ACTR10: variants seen among roughly 807,000 people sequenced by gnomAD.
ACTR10 encodes the protein actin related protein 10, also known as actin-related protein 10.
ACTR10 carries 43 observed loss-of-function variants against 56.2 expected under a neutral mutation model. The observed-to-expected ratio is 0.77, with a 90% CI of 0.60 to 0.99. The LOEUF is 0.99. Ranked by LOEUF, ACTR10 falls within the 50% of genes least tolerant of loss-of-function variation. The pLI, the probability that ACTR10 is intolerant of heterozygous loss-of-function variation, is 0.00. For synonymous variants in ACTR10, 170 were observed against 176.3 expected (o/e 0.96, Z 0.28); for missense variants, 466 against 507.8 (o/e 0.92, Z 0.79).
At chr14:58,214,514 G>A (rs1198911640) in intron 6 of ACTR10, among the ~76,000 whole-genome samples, 1 of 151,152 alleles carries the variant, frequency 6.6e-6, no homozygotes, top group Non-Finnish European at 1.5e-5. Flanking sequence ...TTATTGAAAT[G>A]GAGTCTCGCT....
intron 7 of ACTR10, 39 bp downstream of exon 7, chr14:58,215,323 C>A: frequency 7.6e-7 from 1 of 1,313,552 alleles, no homozygotes; most frequent in South Asian, 1.3e-5. Flanking sequence ...GGTTTACACT[C>A]TCTTTTTGTT....
chr14:58,201,241 G>T, intron 1 of ACTR10, among the ~76,000 whole-genome samples: 1 of 152,146 alleles, frequency 6.6e-6, no homozygotes, highest in Non-Finnish European at 1.5e-5. Context: ...CATAGTCCTT[G>T]GTTAATGACA....
chr14:58,208,888 G>A (rs1566623634), intron 3 of ACTR10, 111 bp from the exon 4 acceptor site: 2 of 660,152 alleles, frequency 3.0e-6, no homozygotes, highest in Non-Finnish European at 5.2e-6. Flanking sequence ...ATGTCTTTTT[G>A]TGATAAAATA....
rs567586172 is a variant in ACTR10 at position 58,213,904 on chromosome 14, G to A, written c.518+206G>A. ...TAATTTTTGGGGGTACATAGTAGGT[G>A]TATATATTTATGAGGTACCTGGGAT... On this transcript the variant is annotated intron_variant, in intron 6 of 12. Coordinates refer to ENST00000254286, the MANE Select transcript of ACTR10 (RefSeq NM_018477.3). 1.8e-3 allele frequency among the ~76,000 whole-genome samples: 275 copies of A among 152,260 alleles called. 2 individuals are homozygous for A. The highest frequency in any genetic ancestry group is 5.9e-3 in the African/African-American group (246 of 41,540).
At chr14:58,223,462 T>G (rs1299558831) in intron 8 of ACTR10, 160 bp from the exon 9 acceptor site, 2 of 681,072 alleles carry the variant, frequency 2.9e-6, no homozygotes, top group African/African-American at 1.8e-5. Context: ...AATGAACAAA[T>G]TATTGTTAGC....
intron 10 of ACTR10, among the ~76,000 whole-genome samples, chr14:58,227,153 T>G (rs2140061387): frequency 7.0e-6 from 1 of 143,450 alleles, no homozygotes; most frequent in African/African-American, 2.7e-5. Flanking sequence ...AATTCATAAT[T>G]TATGATTTCC....
intron 4 of ACTR10, among the ~76,000 whole-genome samples, chr14:58,209,580 G>A (rs1888947134): frequency 6.6e-6 from 1 of 152,048 alleles, no homozygotes; most frequent in Non-Finnish European, 1.5e-5. Context: ...CCTTTAAAAT[G>A]GAATATTCAG....
In ACTR10 at chr14:58,223,723, G is replaced by C. The variant is rs543481336; in HGVS notation, c.714+22G>C. Reference sequence around the variant, plus strand: ...TGAGGTAAGTTTAAAAAAAAAAAAGGCATCTTTTTGCAAAGGTTACAACAT... The same window carrying C: ...TGAGGTAAGTTTAAAAAAAAAAAAGCCATCTTTTTGCAAAGGTTACAACAT... On this transcript the variant is annotated intron_variant, in intron 9 of 12. Transcript: ENST00000254286. 5.1e-6 allele frequency: 8 copies of C among 1,580,292 alleles called. 1 individual carries two copies. In the Admixed American group the frequency reaches 1.2e-4, roughly 24 times the overall value.
chr14:58,211,435 TTACTC>T, intron 5 of ACTR10, 36 bp downstream of exon 5: 1 of 1,423,016 alleles, frequency 7.0e-7, no homozygotes, highest in Non-Finnish European at 9.9e-7. Context: ...TTTGCAGTTT[TTACTC>T]TACTTTAACT....
At chr14:58,222,021 C>T (rs1225756651) in intron 8 of ACTR10, among the ~76,000 whole-genome samples, 1 of 152,140 alleles carries the variant, frequency 6.6e-6, no homozygotes, top group Non-Finnish European at 1.5e-5. Context: ...GTGCCTAGCT[C>T]ACTGTCTAGC....
At chr14:58,227,395 T>C (rs956007675) in intron 10 of ACTR10, among the ~76,000 whole-genome samples, 5 of 152,228 alleles carry the variant, frequency 3.3e-5, no homozygotes, top group Non-Finnish European at 7.3e-5. Context: ...CATCTAGTTA[T>C]TTTCTTCTAG....
intron 10 of ACTR10, among the ~76,000 whole-genome samples, chr14:58,228,241 T>C (rs999963159): frequency 2.0e-5 from 3 of 152,210 alleles, no homozygotes; most frequent in African/African-American, 7.2e-5. Flanking sequence ...CCAGGATGGC[T>C]GTTGGAGTTG....
At position 58,233,171 on chromosome 14, in the gene ACTR10, C is replaced by G. The variant is rs1055849841; in HGVS notation, c.1072+904C>G. 3.3e-5 allele frequency among the ~76,000 whole-genome samples: 5 copies of G among 152,254 alleles called. No individual in the cohort carries two copies. The East Asian group carries it at 9.6e-4, about 29-fold the overall frequency. Reference sequence around the variant, plus strand: ...TACAGGTGTGAGCCACCGCCCCTGGCTTACCATTTCTTAAAATGTTCATTT... The same window carrying G: ...TACAGGTGTGAGCCACCGCCCCTGGGTTACCATTTCTTAAAATGTTCATTT... On this transcript the variant is annotated intron_variant, in intron 12 of 12. Transcript: ENST00000254286.
chr14:58,225,091 T>C (rs1482284501), intron 10 of ACTR10, among the ~76,000 whole-genome samples: 1 of 152,180 alleles, frequency 6.6e-6, no homozygotes, highest in Non-Finnish European at 1.5e-5. Flanking sequence ...AGATAATATT[T>C]AAATGAGTGA....
chr14:58,217,424 T>C (rs563097080), intron 7 of ACTR10, among the ~76,000 whole-genome samples: 1 of 152,076 alleles, frequency 6.6e-6, no homozygotes, highest in Admixed American at 6.5e-5. Context: ...TCCCAGCACT[T>C]TGGGACGCCA....
intron 4 of ACTR10, 33 bp from the exon 5 acceptor site, chr14:58,211,259 C>T (rs777526452): frequency 1.8e-5 from 27 of 1,477,864 alleles, no homozygotes; most frequent in African/African-American, 1.7e-4. Flanking sequence ...ACACTCATTC[C>T]GGTTTTGTTG....
chr14:58,218,472 C>T (rs1369219461), intron 7 of ACTR10, among the ~76,000 whole-genome samples: 1 of 151,686 alleles, frequency 6.6e-6, no homozygotes, highest in Non-Finnish European at 1.5e-5. Context: ...CAAAAGTAAG[C>T]CTTTGGAAAG....
intron 4 of ACTR10, among the ~76,000 whole-genome samples, chr14:58,209,662 G>C (rs1888948972): frequency 6.6e-6 from 1 of 151,966 alleles, no homozygotes; most frequent in South Asian, 2.1e-4. Context: ...ATTACCTGTA[G>C]CTTTGATTTT....
chr14:58,227,737 A>T (rs896843280), intron 10 of ACTR10, among the ~76,000 whole-genome samples: 3 of 152,368 alleles, frequency 2.0e-5, no homozygotes, highest in Non-Finnish European at 4.4e-5. Context: ...TAGTAGATTG[A>T]GTCTCATGAA....
Sources: gnomAD v4.1 joint callset for allele counts (sites outside exome capture counted in the v4.1 genomes callset) on GRCh38, gnomAD v4.1.1 for gene constraint, MANE v1.5 for transcripts, NCBI Gene and HGNC (gene_info 2026-07-23, HGNC 2026-07-21) for gene names.